The following USP40 variants were observed in gnomAD, a reference collection of about 807,000 sequenced individuals.
USP40 encodes the protein ubiquitin specific peptidase 40.
In USP40, 143 loss-of-function variants were observed where a neutral mutation model predicts 166.2. The ratio of observed to expected loss-of-function variants is 0.86; its 90% CI spans 0.75 to 0.99. The LOEUF (loss-of-function observed/expected upper bound fraction) is 0.99. USP40 is among the 50% of genes least tolerant of loss of function. The pLI is 0.00. For missense variants in USP40, 1,444 were observed against 1,479.7 expected (o/e 0.98, Z 0.40); for synonymous variants, 498 against 524.0 (o/e 0.95, Z 0.68).
intron 31 of USP40, 78 bp downstream of exon 31, chr2:233,481,125 C>T (rs2064555574): frequency 1.5e-6 from 2 of 1,378,110 alleles, no homozygotes; most frequent in Non-Finnish European, 2.0e-6. Context: ...TCCGGTCCCT[C>T]TCAGTTTCCA....
At position 233,506,740 on chromosome 2, in the gene USP40, C is replaced by CAAAAAAAAAAAAAAAA. The variant is rs1227656570; in HGVS notation, c.2613+3293_2613+3308dup. ...TGAGACACTGCCTCTACCGAAAATA[C>CAAAAAAAAAAAAAAAA]AAAAAAAAAAAAAAAAAAAAAATAG... is the stretch of plus-strand genomic sequence containing the variant. On this transcript the variant is annotated intron_variant, in intron 21 of 31. Transcript: ENST00000678225. Among the ~76,000 whole-genome samples the CAAAAAAAAAAAAAAAA allele has an allele frequency of 1.7e-4, 9 of 53,832 alleles. No individual in the cohort carries two copies. In the East Asian group the frequency reaches 2.3e-3, roughly 14 times the overall value. 35.3% of individuals were successfully genotyped at this position (53,832 alleles called of 152,430 possible). A position where few individuals can be genotyped will look rare whatever the true frequency, so the allele number is the denominator to read the frequency against.
chr2:233,509,530 T>A (rs373156583), intron 21 of USP40, among the ~76,000 whole-genome samples: 2 of 151,998 alleles, frequency 1.3e-5, no homozygotes, highest in South Asian at 2.1e-4. Flanking sequence ...AAGAAAAAAA[T>A]TGTAATCTTA....
At chr2:233,532,016 C>T (rs1034465712) in intron 11 of USP40, among the ~76,000 whole-genome samples, 5 of 152,168 alleles carry the variant, frequency 3.3e-5, no homozygotes, top group South Asian at 2.1e-4. Flanking sequence ...GGACCAGAGG[C>T]TACTTCCTTT....
chr2:233,486,324 G>A lies in USP40; in HGVS notation c.3198-347C>T, dbSNP rs1215872412. Among the ~76,000 whole-genome samples the A allele has an allele frequency of 2.0e-5, 3 of 152,184 alleles. No individual in the cohort carries two copies. Among genetic ancestry groups the A allele is most frequent in the Admixed American group, 1.3e-4 (2 of 15,272 alleles). ...TGAGAGAGGCCTGGCTTGATAGCCC[G>A]GCAGCTGGCAGGAGGAGAGCGGGCT... On this transcript the variant is annotated intron_variant, in intron 28 of 31. Coordinates refer to ENST00000678225, the MANE Select transcript of USP40 (RefSeq NM_001365479.2). This position sits in a 1 kb window ranked among gnomAD's most constrained non-coding sequence, Gnocchi z 4.0.
chr2:233,556,968 A>G lies in USP40; in HGVS notation c.433T>C (p.Leu145=), dbSNP rs746301709. ...QELNRILFSA[L]ETSLVGTSGH... is the part of the protein sequence containing the mutation. ...GAGGTCCCAACTAAAGAAGTTTCCAAAGCGCTGAAGAGGATTCGATTCAGT... is the reference window on the plus strand; with the variant it reads ...GAGGTCCCAACTAAAGAAGTTTCCAGAGCGCTGAAGAGGATTCGATTCAGT... The change falls in exon 5 of 32, where the codon TTG becomes CTG. Residue 145 remains leucine (L), a synonymous_variant. Transcript: ENST00000678225. 6.2e-7 allele frequency: 1 copy of G among 1,613,968 alleles called. No individual in the cohort carries two copies. The highest frequency in any genetic ancestry group is 1.1e-5 in the South Asian group (1 of 91,088).
At chr2:233,542,222 C>A in intron 9 of USP40, 46 bp downstream of exon 9, 1 of 1,175,804 alleles carries the variant, frequency 8.5e-7, no homozygotes, top group Non-Finnish European at 1.2e-6. Flanking sequence ...CACACATACA[C>A]ACAATACATA....
At chr2:233,501,684 T>A (rs2066077219) in intron 21 of USP40, among the ~76,000 whole-genome samples, 1 of 152,110 alleles carries the variant, frequency 6.6e-6, no homozygotes, top group African/African-American at 2.4e-5. Context: ...AAGAGAAGAA[T>A]CAAGGATGAC....
Position 233,525,535 on chromosome 2 carries a change from C to T in USP40, c.1753G>A (p.Val585Ile), listed in dbSNP as rs770626877. The T allele has an allele frequency of 6.2e-7, 1 of 1,612,710 alleles. No homozygotes were observed. The highest frequency in any genetic ancestry group is 8.5e-7 in the Non-Finnish European group (1 of 1,179,190). The stretch of plus-strand genomic sequence containing the variant: ...GGTACAAGCTTTGCAACACTAAGAA[C>T]CATGTCTCCTTCCCAAAATTCTAAC... ...QLLEFWEGDM[V>I]LSVAKLVPAG... Residue 585 changes from valine to isoleucine, a missense_variant, in exon 14 of 32, where the codon GTT becomes ATT. Physicochemically the swap from Val to Ile is conservative, Grantham distance 29. Transcript: ENST00000678225.
At position 233,527,494 on chromosome 2, in the gene USP40, G is replaced by C. The variant is rs748978080; in HGVS notation, c.1638C>G (p.His546Gln). Residue 546 changes from histidine to glutamine, a missense_variant, in exon 13 of 32, where the codon CAC (histidine) becomes CAG (glutamine). His to Gln is a conservative substitution (Grantham distance 24). Coordinates refer to ENST00000678225, the MANE Select transcript of USP40 (RefSeq NM_001365479.2). ...PQYHFFNGAL[H>Q]PVVSQTESVW... ...CGCTTTCTGTTTGAGAGACTACTGG[G>C]TGCAGAGCCCCATTGAAGAAATGAT... 1 of 1,613,746 alleles carries C rather than the reference G, an allele frequency of 6.2e-7. No individual in the cohort carries two copies. Among genetic ancestry groups the C allele is most frequent in the Non-Finnish European group, 8.5e-7 (1 of 1,179,792 alleles).
In USP40 at chr2:233,523,245, A is replaced by G. The variant is rs2067783396; in HGVS notation, c.2126T>C (p.Met709Thr). The G allele has an allele frequency of 6.2e-7, 1 of 1,613,936 alleles. No homozygotes were observed. The highest frequency in any genetic ancestry group is 1.3e-5 in the African/African-American group (1 of 75,024). Reference sequence around the variant, plus strand: ...CCCTTGCTCCCTGAACGTCTTCCTCATGTCTTCCTTGGGGATGGCCGTCCA... The same window carrying G: ...CCCTTGCTCCCTGAACGTCTTCCTCGTGTCTTCCTTGGGGATGGCCGTCCA... ...EGWTAIPKED[M>T]RKTFREQGLR... Residue 709 changes from methionine (M) to threonine (T), a missense_variant, in exon 16 of 32, where the codon ATG becomes ACG. By Grantham distance (81) the Met-to-Thr change is moderately conservative (BLOSUM62 -1). Coordinates refer to ENST00000678225, the MANE Select transcript of USP40 (RefSeq NM_001365479.2).
chr2:233,526,406 G>T (rs927598961), intron 13 of USP40, among the ~76,000 whole-genome samples: 11 of 151,736 alleles, frequency 7.2e-5, no homozygotes, highest in African/African-American at 2.7e-4. Context: ...GCCAGAATTG[G>T]CTCAGAAATA....
chr2:233,542,635 G>A (rs902566892), intron 8 of USP40: 3 of 291,350 alleles, frequency 1.0e-5, no homozygotes, highest in Non-Finnish European at 1.9e-5. Flanking sequence ...CCGTGATTGC[G>A]CCACTGCACT....
At chr2:233,565,200 G>T (rs2072030054) in intron 2 of USP40, among the ~76,000 whole-genome samples, 156 bp downstream of exon 2, 1 of 152,180 alleles carries the variant, frequency 6.6e-6, no homozygotes. Context: ...TTTCTCTGCA[G>T]AGGGAATTAC....
chr2:233,555,219 A>AT (rs1279305880), intron 5 of USP40, among the ~76,000 whole-genome samples: 1 of 152,190 alleles, frequency 6.6e-6, no homozygotes, highest in Non-Finnish European at 1.5e-5. Flanking sequence ...TTAAGCTAGG[A>AT]TAAGAAGGTC....
intron 11 of USP40, among the ~76,000 whole-genome samples, chr2:233,530,454 A>G (rs571531926): frequency 1.3e-5 from 2 of 152,354 alleles, no homozygotes; most frequent in East Asian, 3.9e-4. Context: ...ATCTTTGAGC[A>G]TCAACATTCA....
In USP40 at chr2:233,511,065, C is replaced by G. The variant is rs190860647; in HGVS notation, c.2526+644G>C. Among the ~76,000 whole-genome samples, 18 of 152,204 alleles carry G rather than the reference C, an allele frequency of 1.2e-4. No homozygotes were observed. In the East Asian group the frequency reaches 3.5e-3, roughly 29 times the overall value. Reference sequence around the variant, plus strand: ...AGTGAATTTGGGAACCATGGGCAACCTGATTTGAGTCCAGATTACCCTGCT... The same window carrying G: ...AGTGAATTTGGGAACCATGGGCAACGTGATTTGAGTCCAGATTACCCTGCT... On this transcript the variant is annotated intron_variant, in intron 20 of 31. Coordinates refer to ENST00000678225, the MANE Select transcript of USP40 (RefSeq NM_001365479.2).
chr2:233,477,915 C>T (rs2064276487), intron 31 of USP40, among the ~76,000 whole-genome samples: 1 of 152,274 alleles, frequency 6.6e-6, no homozygotes, highest in Non-Finnish European at 1.5e-5. Flanking sequence ...TTCAGTCTTG[C>T]CCGGAGAGAC....
At chr2:233,515,251 A>C (rs2067105941) in intron 18 of USP40, among the ~76,000 whole-genome samples, 1 of 152,232 alleles carries the variant, frequency 6.6e-6, no homozygotes, top group South Asian at 2.1e-4. Context: ...GTAAATACCT[A>C]GACGTAGAAT....
intron 7 of USP40, 49 bp from the exon 8 acceptor site, chr2:233,549,278 G>T (rs770875119): frequency 8.7e-7 from 1 of 1,150,830 alleles, no homozygotes; most frequent in Non-Finnish European, 1.2e-6. Context: ...ATAAAATGCT[G>T]ATAATAATCA....
Sources: allele counts gnomAD v4.1 joint callset (sites outside exome capture counted in the v4.1 genomes callset), GRCh38; gene constraint gnomAD v4.1.1; non-coding constraint Gnocchi (gnomAD v3.1); transcripts MANE v1.5; gene names NCBI Gene and HGNC (gene_info 2026-07-23, HGNC 2026-07-21).